UNC13C: variants seen among roughly 807,000 people sequenced by gnomAD.
UNC13C encodes the protein unc-13 homolog C, also known as protein unc-13 homolog C.
A neutral mutation model predicts 245.4 loss-of-function variants in UNC13C; 174 were observed. That is an observed-to-expected ratio of 0.71 (90% CI 0.63 to 0.80). The LOEUF (loss-of-function observed/expected upper bound fraction) is 0.80, where lower values mean the gene tolerates loss of function less well. Among genes scored for constraint, UNC13C ranks in the 30% least tolerant of loss-of-function variants. UNC13C has a pLI of 0.00. For missense variants in UNC13C, 2,829 were observed against 2,602.9 expected (o/e 1.09, Z -1.89); for synonymous variants, 992 against 895.1 (o/e 1.11, Z -1.93).
At chr15:53,973,421 T>C (rs1478219), upstream of UNC13C, among the ~76,000 whole-genome samples, 78,239 of 151,722 alleles carry the variant, frequency 0.52, 20,516 homozygotes, top group East Asian at 0.61. Flanking sequence ...CATTTATACC[T>C]ATTTTGCAGA....
At chr15:54,262,081 T>C (rs758101133) in intron 8 of UNC13C, among the ~76,000 whole-genome samples, 34 of 152,232 alleles carry the variant, frequency 2.2e-4, no homozygotes, top group Non-Finnish European at 4.1e-4. Context: ...GAGGCAGTCG[T>C]TAAGGACAGA....
At chr15:54,452,873 G>C (rs1030013737) in intron 19 of UNC13C, among the ~76,000 whole-genome samples, 3 of 152,104 alleles carry the variant, frequency 2.0e-5, no homozygotes, top group African/African-American at 7.2e-5. Context: ...CTTCTTTCTG[G>C]GAAAATAGAG....
chr15:54,245,482 CTTTG>C (rs564228840), intron 7 of UNC13C, among the ~76,000 whole-genome samples: 54 of 152,128 alleles, frequency 3.5e-4, no homozygotes, highest in African/African-American at 1.2e-3. Flanking sequence ...AACTTTTAGT[CTTTG>C]TTTGTACTTT....
the UNC13C span, among the ~76,000 whole-genome samples, chr15:53,885,785 A>G: frequency 1.3e-5 from 2 of 152,306 alleles, no homozygotes; most frequent in East Asian, 3.9e-4. Context: ...ACCTCACTGA[A>G]GGGAGTGGGG....
intron 19 of UNC13C, among the ~76,000 whole-genome samples, chr15:54,479,351 C>G (rs28675256): frequency 0.44 from 67,177 of 151,732 alleles, 15,183 homozygotes; most frequent in East Asian, 0.72. Context: ...TTCTCTTTTT[C>G]TGTTTTTAAT....
At chr15:54,354,824 A>G (rs577351799) in intron 17 of UNC13C, among the ~76,000 whole-genome samples, 45 of 152,302 alleles carry the variant, frequency 3.0e-4, no homozygotes, top group African/African-American at 1.0e-3. Context: ...GTTACTTGCT[A>G]TGGTTTGAAT....
At chr15:54,100,380 C>T (rs770500816) in intron 2 of UNC13C, among the ~76,000 whole-genome samples, 9 of 152,162 alleles carry the variant, frequency 5.9e-5, no homozygotes, top group Admixed American at 3.9e-4. Flanking sequence ...CCACTCATGG[C>T]TTCTTTGACA....
intron 19 of UNC13C, among the ~76,000 whole-genome samples, chr15:54,452,915 G>GGCAGTAGCCA (rs1891259829): frequency 6.6e-6 from 1 of 152,226 alleles, no homozygotes; most frequent in Non-Finnish European, 1.5e-5. Flanking sequence ...TAGCCCAGGT[G>GGCAGTAGCCA]GCAGTAGCCA....
intron 4 of UNC13C, among the ~76,000 whole-genome samples, chr15:54,223,204 T>G (rs2035279153): frequency 1.3e-5 from 2 of 152,112 alleles, no homozygotes; most frequent in Admixed American, 6.6e-5. Flanking sequence ...CACATTTTCT[T>G]CTAGTAGTTT....
At chr15:54,334,465 G>A (rs1567195338) in intron 16 of UNC13C, among the ~76,000 whole-genome samples, 1 of 151,962 alleles carries the variant, frequency 6.6e-6, no homozygotes, top group Non-Finnish European at 1.5e-5. Flanking sequence ...GCCGGGCTGT[G>A]GGCTAAAATA....
At chr15:54,417,193 G>C in intron 19 of UNC13C, 1 of 321,758 alleles carries the variant, frequency 3.1e-6, no homozygotes. Context: ...ATGATGTTTA[G>C]AAAATAGAAG....
intron 17 of UNC13C, among the ~76,000 whole-genome samples, chr15:54,352,230 T>A (rs1442284754): frequency 1.3e-5 from 2 of 149,808 alleles, no homozygotes; most frequent in African/African-American, 4.9e-5. Flanking sequence ...TCTCATAGTT[T>A]TGATTTTGTT....
intron 19 of UNC13C, among the ~76,000 whole-genome samples, chr15:54,460,770 G>A (rs1891801936): frequency 6.6e-6 from 1 of 152,172 alleles, no homozygotes; most frequent in Non-Finnish European, 1.5e-5. Context: ...TCTTGCAGTG[G>A]TCCTTGAAGC....
intron 19 of UNC13C, among the ~76,000 whole-genome samples, chr15:54,444,243 G>A (rs910184866): frequency 1.3e-5 from 2 of 151,132 alleles, no homozygotes; most frequent in South Asian, 2.1e-4. Context: ...TGTTGTTGAC[G>A]TGGAATATCA....
intron 2 of UNC13C, among the ~76,000 whole-genome samples, chr15:54,088,532 A>G (rs1309306577): frequency 6.6e-6 from 1 of 152,092 alleles, no homozygotes; most frequent in Admixed American, 6.6e-5. Context: ...TCACCAAGTC[A>G]TTATTGTTAT....
chr15:54,100,817 A>G (rs1394735240), intron 2 of UNC13C, among the ~76,000 whole-genome samples: 1 of 152,042 alleles, frequency 6.6e-6, no homozygotes, highest in Non-Finnish European at 1.5e-5. Flanking sequence ...TTGGTGACTG[A>G]CCACATGGAT....
At chr15:54,588,892 C>A (rs1346770112) in intron 30 of UNC13C, among the ~76,000 whole-genome samples, 1 of 152,160 alleles carries the variant, frequency 6.6e-6, no homozygotes, top group East Asian at 1.9e-4. Context: ...GATTGATGGG[C>A]ATTTGGGTTG....
chr15:54,341,842 G>T (rs2038739438), intron 17 of UNC13C, among the ~76,000 whole-genome samples: 1 of 152,038 alleles, frequency 6.6e-6, no homozygotes, highest in South Asian at 2.1e-4. Context: ...CAGGAGTGGT[G>T]GTGGGCACCT....
At chr15:54,298,004 T>TA (rs2037481209) in intron 12 of UNC13C, 78 bp downstream of exon 12, 1 of 1,039,384 alleles carries the variant, frequency 9.6e-7, no homozygotes, top group African/African-American at 1.6e-5. Flanking sequence ...ATATTTGGTT[T>TA]AAAAATCATT....
Sources: gnomAD v4.1 joint callset for allele counts (sites outside exome capture counted in the v4.1 genomes callset) on GRCh38, gnomAD v4.1.1 for gene constraint, MANE v1.5 for transcripts, NCBI Gene and HGNC (gene_info 2026-07-23, HGNC 2026-07-21) for gene names.